KRT71: variants seen among roughly 807,000 people sequenced by gnomAD.
KRT71 encodes the protein keratin 71, also known as keratin, type II cytoskeletal 71.
KRT71 carries 42 observed loss-of-function variants against 46.2 expected under a neutral mutation model. The ratio of observed to expected loss-of-function variants is 0.91; its 90% CI spans 0.71 to 1.18. The LOEUF is 1.18. Ranked by LOEUF, KRT71 falls within the 50% of genes most tolerant of loss-of-function variation. KRT71 has a pLI of 0.00. For missense variants in KRT71, 708 were observed against 677.9 expected, an observed-to-expected ratio of 1.04 and a Z score of -0.49; for synonymous variants, 292 against 277.8, an observed-to-expected ratio of 1.05 and a Z score of -0.51.
At chr12:52,546,585 GA>G in intron 6 of KRT71, 79 bp from the exon 7 acceptor site, 1 of 1,371,720 alleles carries the variant, frequency 7.3e-7, no homozygotes, top group South Asian at 1.3e-5. Flanking sequence ...TGGGTCCTTA[GA>G]GTGGGGCAGA....
Position 52,545,408 on chromosome 12 carries a change from G to T in KRT71, c.1360+157C>A, listed in dbSNP as rs147544464. On this transcript the variant is annotated intron_variant, in intron 8 of 8. Coordinates refer to ENST00000267119, the MANE Select transcript of KRT71 (RefSeq NM_033448.3). Reference sequence around the variant, plus strand: ...GCCTGGCCTGGGAGTCAGGAAAGCCGATTTTGGCCATGGCTCTGCCATCTG... The same window carrying T: ...GCCTGGCCTGGGAGTCAGGAAAGCCTATTTTGGCCATGGCTCTGCCATCTG... 3.0e-3 allele frequency among the ~76,000 whole-genome samples: 458 copies of T among 152,306 alleles called. 1 individual carries two copies. The highest frequency in any genetic ancestry group is 5.1e-3 in the Non-Finnish European group (350 of 68,030).
intron 7 of KRT71, 116 bp downstream of exon 7, chr12:52,546,170 T>C: frequency 1.8e-6 from 2 of 1,091,242 alleles, no homozygotes; most frequent in Non-Finnish European, 2.6e-6. Flanking sequence ...ATTTCTATCC[T>C]CATCACCCCA....
At position 52,546,280 on chromosome 12, in the gene KRT71, G is replaced by A. The variant is rs772201681; in HGVS notation, c.1325+6C>T. ...GGGCCCTCCTGTCTGGGCACGCCCC[G>A]CCCACCTGCACTCCTCGCTCTCCAG... On this transcript the variant is annotated splice_donor_region_variant and intron_variant, in intron 7 of 8. Transcript: ENST00000267119. 1.6e-5 allele frequency: 26 copies of A among 1,613,746 alleles called. No individual in the cohort carries two copies. The highest frequency in any genetic ancestry group is 5.5e-5 in the South Asian group (5 of 91,064).
Position 52,544,223 on chromosome 12 carries a change from C to T in KRT71, c.*309G>A, listed in dbSNP as rs904978161. The stretch of plus-strand genomic sequence containing the variant: ...CCAGGGAGCCCAGCAGAGTAGTTAG[C>T]GACTGCGCTAGAGGCCGGGCAGAGG... On this transcript the variant is annotated 3_prime_UTR_variant, in exon 9 of 9. Transcript: ENST00000267119. The T allele has an allele frequency of 8.3e-5, 37 of 445,764 alleles. 1 individual carries two copies. Among genetic ancestry groups the T allele is most frequent in the East Asian group, 3.4e-4 (8 of 23,276 alleles). The allele number at this position is 445,764 out of a possible 1,614,324, so 27.6% of individuals were successfully genotyped here. A position where few individuals can be genotyped will look rare whatever the true frequency, so the allele number is the denominator to read the frequency against.
Position 52,547,992 on chromosome 12 carries a change from C to T in KRT71, c.979-10G>A. On this transcript the variant is annotated splice_polypyrimidine_tract_variant and intron_variant, in intron 5 of 8. Transcript: ENST00000267119. ...GCTGAAGCTCTTGGAACTGGGGACCCCAAAGCACAGAGTCATGAGTGTGTC... is the reference window on the plus strand; with the variant it reads ...GCTGAAGCTCTTGGAACTGGGGACCTCAAAGCACAGAGTCATGAGTGTGTC... 1 of 1,585,170 alleles carries T rather than the reference C, an allele frequency of 6.3e-7. No homozygotes were observed. The highest frequency in any genetic ancestry group is 8.6e-7 in the Non-Finnish European group (1 of 1,161,694).
intron 2 of KRT71, among the ~76,000 whole-genome samples, chr12:52,549,785 A>G (rs1324900367): frequency 6.6e-6 from 1 of 152,036 alleles, no homozygotes; most frequent in Non-Finnish European, 1.5e-5. Context: ...CATTCCCTAA[A>G]CCCAGAGCCA....
chr12:52,546,185 T>G, intron 7 of KRT71, 101 bp downstream of exon 7: 1 of 1,287,354 alleles, frequency 7.8e-7, no homozygotes. Flanking sequence ...ACCCCATCAC[T>G]TCCTAAGAAC....
At chr12:52,552,604 G>A in intron 1 of KRT71, 33 bp downstream of exon 1, 1 of 1,576,488 alleles carries the variant, frequency 6.3e-7, no homozygotes, top group Non-Finnish European at 8.6e-7. Flanking sequence ...GAGGAGGGCT[G>A]TTCACAAGTT....
Position 52,552,952 on chromosome 12 carries a change from G to A in KRT71, c.126C>T (p.Gly42=). 6.2e-7 allele frequency: 1 copy of A among 1,614,190 alleles called. No homozygotes were observed. Among genetic ancestry groups the A allele is most frequent in the Non-Finnish European group, 8.5e-7 (1 of 1,180,052 alleles). Residue 42 remains glycine (G), a synonymous_variant, in exon 1 of 9, where the codon GGC becomes GGT. Transcript: ENST00000267119. The stretch of plus-strand genomic sequence containing the variant: ...GGCTGTAGAGGCTCCGGCTGCCAAA[G>A]CCCCCACTGAGCCCTTTGCTCCCTG... ...FRAGSKGLSG[G]FGSRSLYSLG...
chr12:52,544,651 AG>A lies in KRT71; in HGVS notation c.1452del (p.Ser485LeufsTer6). The A allele has an allele frequency of 4.3e-6, 7 of 1,614,022 alleles. No homozygotes were observed. The highest frequency in any genetic ancestry group is 5.9e-6 in the Non-Finnish European group (7 of 1,180,010). On this transcript the variant is annotated frameshift_variant, in exon 9 of 9. Transcript: ENST00000267119. LOFTEE classifies it low-confidence loss of function (END_TRUNC). ...CCGCCTCTCACGCTGCACACTCCAGAGATGCAGTTGCTGCTGTTGGCCACAT... is the reference window on the plus strand; with the variant it reads ...CCGCCTCTCACGCTGCACACTCCAGAATGCAGTTGCTGCTGTTGGCCACAT... Reference protein sequence around the residue: ...GGYVANSSNCISGVCSVRGGE... With the variant: ...GGYVANSSNCXSGVCSVRGGE...
Position 52,546,435 on chromosome 12 carries a change from G to A in KRT71, c.1176C>T (p.Ala392=). Residue 392 remains alanine (A), a synonymous_variant, in exon 7 of 9, where the codon GCC becomes GCT. Coordinates refer to ENST00000267119, the MANE Select transcript of KRT71 (RefSeq NM_033448.3). ...RGDNALKDAR[A]KLDELEGALH... is the part of the protein sequence containing the mutation. ...GGGCGCCCTCCAGCTCGTCCAGCTT[G>A]GCCCGGGCATCCTTCAGGGCGTTGT... 6.2e-7 allele frequency: 1 copy of A among 1,614,188 alleles called. No individual in the cohort carries two copies. The highest frequency in any genetic ancestry group is 8.5e-7 in the Non-Finnish European group (1 of 1,180,038).
chr12:52,549,996 T>C (rs748460568), intron 2 of KRT71, 33 bp downstream of exon 2: 3 of 1,612,424 alleles, frequency 1.9e-6, no homozygotes, highest in Non-Finnish European at 2.5e-6. Flanking sequence ...ACAAGGGCAG[T>C]TGTCCAGTTA....
chr12:52,550,077 T>G lies in KRT71; in HGVS notation c.608A>C (p.Asp203Ala), dbSNP rs763992766. The change falls in exon 2 of 9, where the codon GAC (aspartate) becomes GCC (alanine). Residue 203 changes from aspartate (D) to alanine (A), a missense_variant. Asp to Ala is a moderately radical substitution (Grantham distance 126). Coordinates refer to ENST00000267119, the MANE Select transcript of KRT71 (RefSeq NM_033448.3). ...GTCCCGCACATTCCTCAGCTCCGAGTCCAGCCTCACCCTGTCCCCAGACAG... is the reference window on the plus strand; with the variant it reads ...GTCCCGCACATTCCTCAGCTCCGAGGCCAGCCTCACCCTGTCCCCAGACAG... ...ETLSGDRVRLDSELRNVRDVV... is the reference protein window; with the variant it reads ...ETLSGDRVRLASELRNVRDVV... 3 of 1,614,150 alleles carry G rather than the reference T, an allele frequency of 1.9e-6. No homozygotes were observed. In the Admixed American group the frequency reaches 5.0e-5, roughly 27 times the overall value.
At position 52,549,039 on chromosome 12, in the gene KRT71, A is replaced by T. The variant is rs986687103; in HGVS notation, c.718-243T>A. Among the ~76,000 whole-genome samples the T allele has an allele frequency of 4.9e-4, 74 of 152,012 alleles. 1 individual carries two copies. Among genetic ancestry groups the T allele is most frequent in the Non-Finnish European group, 1.6e-4 (11 of 67,982 alleles). Reference sequence around the variant, plus strand: ...TCCCGGGGCTGCAGGGGAGCCCCTCAGTGTTGTCCTCTGTATTCTTCTCCG... The same window carrying T: ...TCCCGGGGCTGCAGGGGAGCCCCTCTGTGTTGTCCTCTGTATTCTTCTCCG... On this transcript the variant is annotated intron_variant, in intron 3 of 8. Coordinates refer to ENST00000267119, the MANE Select transcript of KRT71 (RefSeq NM_033448.3).
At chr12:52,550,871 C>T (rs906431144) in intron 1 of KRT71, among the ~76,000 whole-genome samples, 8 of 152,236 alleles carry the variant, frequency 5.3e-5, no homozygotes, top group African/African-American at 1.9e-4. Flanking sequence ...TGTCCATACA[C>T]ACCTCTTGTT....
At chr12:52,549,711 C>T (rs1408614582) in intron 2 of KRT71, among the ~76,000 whole-genome samples, 1 of 152,220 alleles carries the variant, frequency 6.6e-6, no homozygotes, top group Non-Finnish European at 1.5e-5. Context: ...TGAGAGCAGT[C>T]TTGGAGCCAG....
rs1565603160 is a variant in KRT71 at position 52,552,658 on chromosome 12, CTTG to C, written c.417_419del (p.Asn139del). On this transcript the variant is annotated inframe_deletion, in exon 1 of 9. Coordinates refer to ENST00000267119, the MANE Select transcript of KRT71 (RefSeq NM_033448.3). ...CCACCTTGTCGATGAAGGAGGCGAA[CTTG>C]TTGTTCAGAGCCTTGATCTGCTCTC... The C allele has an allele frequency of 2.5e-6, 4 of 1,611,798 alleles. No homozygotes were observed. Among genetic ancestry groups the C allele is most frequent in the East Asian group, 2.2e-5 (1 of 44,852 alleles).
rs745730460 is a variant in KRT71 at position 52,548,714 on chromosome 12, C to T, written c.800G>A (p.Cys267Tyr). The change falls in exon 4 of 9, where the codon TGT becomes TAT. Residue 267 changes from cysteine (C) to tyrosine (Y), a missense_variant. By Grantham distance (194) the Cys-to-Tyr change is radical (BLOSUM62 -2). Transcript: ENST00000267119. ...SMDQEIKFFR[C>Y]LFEAEITQIQ... is the part of the protein sequence containing the mutation. ...AGACAGACTTACGGCTTCAAAGAGA[C>T]ACCTGAAGAACTTGATCTCCTGGTC... 6.2e-7 allele frequency: 1 copy of T among 1,614,092 alleles called. No homozygotes were observed. Among genetic ancestry groups the T allele is most frequent in the South Asian group, 1.1e-5 (1 of 91,084 alleles).
Position 52,544,462 on chromosome 12 carries a change from G to T in KRT71, c.*70C>A. Reference sequence around the variant, plus strand: ...CAGGGTGGAGATGGAGCTGAGAGTGGGCTGTGGGAAGTACAGTGTGGGATC... The same window carrying T: ...CAGGGTGGAGATGGAGCTGAGAGTGTGCTGTGGGAAGTACAGTGTGGGATC... On this transcript the variant is annotated 3_prime_UTR_variant, in exon 9 of 9. Coordinates refer to ENST00000267119, the MANE Select transcript of KRT71 (RefSeq NM_033448.3). 1.5e-6 allele frequency: 2 copies of T among 1,370,620 alleles called. No homozygotes were observed. Among genetic ancestry groups the T allele is most frequent in the Non-Finnish European group, 2.1e-6 (2 of 962,032 alleles). The allele number at this position is 1,370,620 out of a possible 1,614,324, so 84.9% of individuals were successfully genotyped here.
Sources: allele counts gnomAD v4.1 joint callset (sites outside exome capture counted in the v4.1 genomes callset), GRCh38; gene constraint gnomAD v4.1.1; transcripts MANE v1.5; gene names NCBI Gene and HGNC (gene_info 2026-07-23, HGNC 2026-07-21).